Variants in ZNF385D observed in about 807,000 individuals in gnomAD.
ZNF385D encodes zinc finger protein 385D.
In ZNF385D, 15 loss-of-function variants were observed where a neutral mutation model predicts 35.8. The observed-to-expected ratio is 0.42, with a 90% CI of 0.28 to 0.64. ZNF385D has a LOEUF of 0.64. ZNF385D is among the 30% of genes least tolerant of loss of function. The probability of loss-of-function intolerance (pLI) is 0.23; values close to 1 mark genes in which losing one functional copy is unlikely to be tolerated. For missense variants in ZNF385D, 474 were observed against 494.6 expected (o/e 0.96, Z 0.39); for synonymous variants, 212 against 186.8 (o/e 1.13, Z -1.10).
At chr3:21,999,577 A>T (rs1695706249) in intron 3 of ZNF385D, among the ~76,000 whole-genome samples, 1 of 152,110 alleles carries the variant, frequency 6.6e-6, no homozygotes, top group South Asian at 2.1e-4. Context: ...CTAGTTTTCA[A>T]ATATGGTTCT....
intron 4 of ZNF385D, among the ~76,000 whole-genome samples, chr3:21,478,272 T>C (rs1277414391): frequency 6.6e-6 from 1 of 152,144 alleles, no homozygotes; most frequent in East Asian, 1.9e-4. Flanking sequence ...TTCAAATATT[T>C]TGAATATTTG....
chr3:21,582,659 A>C (rs546550884), intron 2 of ZNF385D, among the ~76,000 whole-genome samples: 84 of 152,350 alleles, frequency 5.5e-4, no homozygotes, highest in African/African-American at 2.0e-3. Context: ...CTTAAAGATT[A>C]AGTCCACCTG....
At chr3:22,091,006 T>C (rs763720016) in intron 3 of ZNF385D, among the ~76,000 whole-genome samples, 6 of 152,078 alleles carry the variant, frequency 3.9e-5, no homozygotes, top group Admixed American at 2.0e-4. Context: ...TGCTAATATA[T>C]ACCAATAGAA....
At chr3:22,167,418 C>T (rs557793589) in intron 3 of ZNF385D, among the ~76,000 whole-genome samples, 9 of 152,330 alleles carry the variant, frequency 5.9e-5, no homozygotes, top group South Asian at 2.1e-4. Flanking sequence ...GGACCACCCA[C>T]GCATCCCCTC....
At chr3:22,132,527 G>C (rs992429123) in intron 3 of ZNF385D, among the ~76,000 whole-genome samples, 1 of 152,144 alleles carries the variant, frequency 6.6e-6, no homozygotes, top group Non-Finnish European at 1.5e-5. Context: ...TCAGAGGATA[G>C]TTGGCAGAAT....
chr3:22,211,322 T>A (rs1041073532), intron 2 of ZNF385D, among the ~76,000 whole-genome samples: 1 of 151,930 alleles, frequency 6.6e-6, no homozygotes, highest in Non-Finnish European at 1.5e-5. Context: ...TCTGAATATG[T>A]CAGTAGCCAC....
intron 1 of ZNF385D, among the ~76,000 whole-genome samples, chr3:21,667,681 T>A (rs1220810609): frequency 1.3e-5 from 2 of 152,222 alleles, no homozygotes; most frequent in South Asian, 4.1e-4. Flanking sequence ...CAAGAAAATA[T>A]TCTACAATTG....
At chr3:21,900,502 A>G (rs1699347984) in intron 3 of ZNF385D, among the ~76,000 whole-genome samples, 1 of 152,250 alleles carries the variant, frequency 6.6e-6, no homozygotes, top group African/African-American at 2.4e-5. Flanking sequence ...AAAAATGTCA[A>G]TTTAAATATA....
At position 21,450,798 on chromosome 3, in the gene ZNF385D, T is replaced by G. The variant is rs1702410310; in HGVS notation, c.440-13595A>C. Among the ~76,000 whole-genome samples, 7 of 152,320 alleles carry G rather than the reference T, an allele frequency of 4.6e-5. No homozygotes were observed. The South Asian group carries it at 1.4e-3, about 32-fold the overall frequency. On this transcript the variant is annotated intron_variant, in intron 4 of 7. Transcript: ENST00000281523. Reference sequence around the variant, plus strand: ...ATTTCTAGCACTGCAATGCCATAATTTCAGTAGTTATTTGCTTTTCTTTAA... The same window carrying G: ...ATTTCTAGCACTGCAATGCCATAATGTCAGTAGTTATTTGCTTTTCTTTAA...
chr3:21,496,053 T>G (rs187250181), intron 4 of ZNF385D, among the ~76,000 whole-genome samples: 1 of 151,694 alleles, frequency 6.6e-6, no homozygotes, highest in East Asian at 1.9e-4. Context: ...GAATCAGTGA[T>G]AAAAAGCCTG....
At chr3:22,231,686 A>G (rs189444386) in intron 2 of ZNF385D, among the ~76,000 whole-genome samples, 30 of 152,246 alleles carry the variant, frequency 2.0e-4, no homozygotes, top group African/African-American at 7.0e-4. Context: ...TTTGCCAGGT[A>G]GATGGGTCCC....
chr3:22,061,746 C>T (rs1699697813), intron 3 of ZNF385D, among the ~76,000 whole-genome samples: 1 of 152,188 alleles, frequency 6.6e-6, no homozygotes, highest in African/African-American at 2.4e-5. Flanking sequence ...TCTCCCTTTG[C>T]CCTCTACCAC....
Position 22,260,738 on chromosome 3 carries a change from G to A in ZNF385D, c.107-91703C>T, listed in dbSNP as rs75800262. On this transcript the variant is annotated intron_variant, in intron 2 of 5. Transcript: ENST00000494108. ...CTTCTAATTTACCTAATATAAAAAT[G>A]CTAATTCAACTACAAAGTTTTAGTT... is the stretch of plus-strand genomic sequence containing the variant. Among the ~76,000 whole-genome samples, 1,154 of 151,928 alleles carry A rather than the reference G, an allele frequency of 7.6e-3. 12 individuals carry two copies. The highest frequency in any genetic ancestry group is 0.026 in the African/African-American group (1,090 of 41,490).
intron 3 of ZNF385D, among the ~76,000 whole-genome samples, chr3:21,523,206 A>C (rs1708025011): frequency 6.6e-6 from 1 of 152,232 alleles, no homozygotes; most frequent in Non-Finnish European, 1.5e-5. Context: ...AGTGAATTGC[A>C]ACTATCATGG....
In ZNF385D at chr3:22,129,864, C is replaced by G. The variant is rs115921044; in HGVS notation, c.325+38953G>C. ...CCAAAGTTGTAAGACCCTTCCCTCT[C>G]TTTTCCTCAAACAGAAGGAGTCTCT... On this transcript the variant is annotated intron_variant, in intron 3 of 5. Coordinates refer to the ZNF385D transcript ENST00000494108. 2.3e-3 allele frequency among the ~76,000 whole-genome samples: 347 copies of G among 152,184 alleles called. 1 individual carries two copies. Among genetic ancestry groups the G allele is most frequent in the African/African-American group, 8.1e-3 (335 of 41,522 alleles).
intron 2 of ZNF385D, among the ~76,000 whole-genome samples, chr3:21,612,198 C>T (rs1015093326): frequency 1.3e-5 from 2 of 152,154 alleles, no homozygotes; most frequent in African/African-American, 4.8e-5. Context: ...AATTCTCCTG[C>T]CTCAGCCTCC....
chr3:21,684,412 TCTCTCTCTCTCTCTCTCTC>T (rs1362449232), intron 1 of ZNF385D, among the ~76,000 whole-genome samples: 1 of 84,152 alleles, frequency 1.2e-5, no homozygotes, highest in Non-Finnish European at 2.6e-5. Flanking sequence ...CTCCTCTCTC[TCTCTCTCTCTCTCTCTCTC>T]CTCTCTCTCT....
At chr3:21,770,404 G>C (rs1003577044) in intron 3 of ZNF385D, among the ~76,000 whole-genome samples, 9 of 151,584 alleles carry the variant, frequency 5.9e-5, no homozygotes, top group East Asian at 1.9e-4. Flanking sequence ...AAAAAACAAG[G>C]AACCCCATCA....
At chr3:22,100,349 C>T (rs28513513) in intron 3 of ZNF385D, among the ~76,000 whole-genome samples, 32,358 of 142,498 alleles carry the variant, frequency 0.23, 3,601 homozygotes, top group Non-Finnish European at 0.26. Context: ...ACCCAAAGGA[C>T]TATAAATCAT....
Sources: allele counts gnomAD v4.1 joint callset (sites outside exome capture counted in the v4.1 genomes callset), GRCh38; gene constraint gnomAD v4.1.1; transcripts MANE v1.5; gene names NCBI Gene and HGNC (gene_info 2026-07-23, HGNC 2026-07-21).